TRAF3IP1: variants seen among roughly 807,000 people sequenced by gnomAD.
TRAF3IP1 encodes intraflagellar transport 54, also known as TRAF3-interacting protein 1.
A neutral mutation model predicts 89.9 loss-of-function variants in TRAF3IP1; 53 were observed. The observed-to-expected ratio is 0.59, with a 90% CI of 0.47 to 0.74. The LOEUF is 0.74. Ranked by LOEUF, TRAF3IP1 falls within the 30% of genes least tolerant of loss-of-function variation. The pLI, the probability that TRAF3IP1 is intolerant of heterozygous loss-of-function variation, is 0.00. For synonymous variants in TRAF3IP1, 311 were observed against 322.1 expected (o/e 0.97, Z 0.37); for missense variants, 806 against 866.1 (o/e 0.93, Z 0.87).
intron 15 of TRAF3IP1, among the ~76,000 whole-genome samples, chr2:238,363,876 C>G (rs7602392): frequency 0.27 from 41,587 of 151,988 alleles, 5,803 homozygotes; most frequent in African/African-American, 0.29. Flanking sequence ...AAGATAATTG[C>G]TTGAACCCAG....
At chr2:238,380,492 A>G (rs189384760) in intron 15 of TRAF3IP1, among the ~76,000 whole-genome samples, 22 of 152,322 alleles carry the variant, frequency 1.4e-4, no homozygotes, top group African/African-American at 5.3e-4. Flanking sequence ...ATCTTGCAGT[A>G]TCCCCCTAAC....
rs1480109331 is a variant in TRAF3IP1 at position 238,328,816 on chromosome 2, AC to A, written c.486del (p.His162GlnfsTer12). The A allele has an allele frequency of 6.2e-7, 1 of 1,612,798 alleles. No homozygotes were observed. The highest frequency in any genetic ancestry group is 1.7e-5 in the Admixed American group (1 of 59,756). On this transcript the variant is annotated frameshift_variant, in exon 4 of 17. Transcript: ENST00000373327. LOFTEE classifies it high-confidence loss of function. ...GTGCGAGAAGAAGAGTCCAGAGTTC[AC>A]AAAAATACAGAGGTGAATTCCAAGT... ...KNVREEESRV[H>X]KNTEDRGDAE...
rs1445760046 is a variant in TRAF3IP1 at position 238,388,330 on chromosome 2, G to A, written c.1690-9129G>A. Reference sequence around the variant, plus strand: ...GCGGAAGTTGCAGTGAGCTGAGATCGCGCCACTGCACTCCAGCCTGAGGGA... The same window carrying A: ...GCGGAAGTTGCAGTGAGCTGAGATCACGCCACTGCACTCCAGCCTGAGGGA... On this transcript the variant is annotated intron_variant, in intron 15 of 16. Coordinates refer to ENST00000373327, the MANE Select transcript of TRAF3IP1 (RefSeq NM_015650.4). 4.7e-5 allele frequency among the ~76,000 whole-genome samples: 7 copies of A among 147,674 alleles called. No individual in the cohort carries two copies. The South Asian group carries it at 6.5e-4, about 14-fold the overall frequency.
At chr2:238,386,671 G>T (rs1016938520) in intron 15 of TRAF3IP1, among the ~76,000 whole-genome samples, 1 of 152,058 alleles carries the variant, frequency 6.6e-6, no homozygotes, top group Admixed American at 6.6e-5. Flanking sequence ...CCTATCTCTG[G>T]TTTAGTTGGG....
chr2:238,387,736 CTA>C (rs1700832307), intron 15 of TRAF3IP1, among the ~76,000 whole-genome samples: 1 of 152,164 alleles, frequency 6.6e-6, no homozygotes, highest in Admixed American at 6.5e-5. Flanking sequence ...TAATAAAACA[CTA>C]TTCAGAAACG....
chr2:238,368,878 G>C (rs1353185310), intron 15 of TRAF3IP1, among the ~76,000 whole-genome samples: 1 of 151,968 alleles, frequency 6.6e-6, no homozygotes. Context: ...TCACCATGTT[G>C]GCCAGGTTGG....
intron 6 of TRAF3IP1, among the ~76,000 whole-genome samples, chr2:238,333,424 A>C (rs1698224910): frequency 1.3e-5 from 2 of 152,096 alleles, no homozygotes; most frequent in Admixed American, 1.3e-4. Context: ...TTCGTAATCC[A>C]ATTTGCATTT....
Position 238,320,687 on chromosome 2 carries a change from A to G in TRAF3IP1, c.25A>G (p.Thr9Ala), listed in dbSNP as rs763786645. 4 of 1,417,058 alleles carry G rather than the reference A, an allele frequency of 2.8e-6. No individual in the cohort carries two copies. The South Asian group carries it at 4.1e-5, about 15-fold the overall frequency. 87.8% of individuals were successfully genotyped at this position (1,417,058 alleles called of 1,614,324 possible). ...CATGAACGCGGCGGTGGTGAGGCGG[A>G]CGCAGGAGGCGCTGGGGAAAGTGAT... Reference protein sequence around the residue: MNAAVVRRTQEALGKVIRR... With the variant: MNAAVVRRAQEALGKVIRR... The change falls in exon 1 of 17, where the codon ACG (threonine) becomes GCG (alanine). Residue 9 changes from threonine to alanine, a missense_variant. Coordinates refer to ENST00000373327, the MANE Select transcript of TRAF3IP1 (RefSeq NM_015650.4).
At chr2:238,335,736 A>G (rs1698353227) in intron 7 of TRAF3IP1, among the ~76,000 whole-genome samples, 1 of 151,658 alleles carries the variant, frequency 6.6e-6, no homozygotes, top group African/African-American at 2.4e-5. Flanking sequence ...TGTTGGTCAC[A>G]GTGGTTGCTC....
At position 238,322,392 on chromosome 2, in the gene TRAF3IP1, A is replaced by G. The variant is rs6708150; in HGVS notation, c.123+1607A>G. ...TTGGTCAGAGGAATCCTAATGGGAG[A>G]GGAGGAGGAACATGGGCTGGGTGCT... On this transcript the variant is annotated intron_variant, in intron 1 of 16. Coordinates refer to ENST00000373327, the MANE Select transcript of TRAF3IP1 (RefSeq NM_015650.4). 4.0e-3 allele frequency among the ~76,000 whole-genome samples: 616 copies of G among 152,278 alleles called. 1 individual carries two copies. Among genetic ancestry groups the G allele is most frequent in the African/African-American group, 0.014 (582 of 41,562 alleles).
chr2:238,350,921 C>T (rs910341125), intron 12 of TRAF3IP1, among the ~76,000 whole-genome samples: 1 of 151,948 alleles, frequency 6.6e-6, no homozygotes, highest in Non-Finnish European at 1.5e-5. Context: ...GTGGAAGCGC[C>T]ACGGTCATGA....
At position 238,329,016 on chromosome 2, in the gene TRAF3IP1, AAG is replaced by A. The variant is rs1422354082; in HGVS notation, c.590_591del (p.Lys197ArgfsTer57). 1 of 1,551,524 alleles carries A rather than the reference AAG, an allele frequency of 6.4e-7. No homozygotes were observed. Among genetic ancestry groups the A allele is most frequent in the African/African-American group, 1.4e-5 (1 of 72,942 alleles). On this transcript the variant is annotated frameshift_variant, in exon 5 of 17. Coordinates refer to ENST00000373327, the MANE Select transcript of TRAF3IP1 (RefSeq NM_015650.4). LOFTEE classifies it high-confidence loss of function. ...ELKEDRKPRE[K>X]DKDKEKAKEN... is the part of the protein sequence containing the mutation. ...GAAAGAAGACCGCAAGCCAAGAGAA[AAG>A]GACAAGGACAAGGAGAAGGCCAAGG...
intron 2 of TRAF3IP1, 137 bp downstream of exon 2, chr2:238,325,511 A>G (rs1329240221): frequency 1.1e-5 from 9 of 831,172 alleles, no homozygotes; most frequent in Non-Finnish European, 1.5e-5. Flanking sequence ...GTAAATTGAT[A>G]TATATACCCT....
At chr2:238,395,928 G>A (rs953919357) in intron 15 of TRAF3IP1, among the ~76,000 whole-genome samples, 83 of 152,170 alleles carry the variant, frequency 5.5e-4, no homozygotes, top group Admixed American at 4.3e-3. Context: ...TACACTGTTG[G>A]TGGGACTGTA....
intron 7 of TRAF3IP1, among the ~76,000 whole-genome samples, chr2:238,338,023 A>G (rs1698466607): frequency 6.6e-6 from 1 of 152,176 alleles, no homozygotes; most frequent in South Asian, 2.1e-4. Context: ...TAGGTAGGAA[A>G]GGACGTGGTG....
At chr2:238,367,563 T>C (rs1320395451) in intron 15 of TRAF3IP1, among the ~76,000 whole-genome samples, 1 of 152,230 alleles carries the variant, frequency 6.6e-6, no homozygotes, top group East Asian at 1.9e-4. Flanking sequence ...GTGGTGGCTG[T>C]GACAGCTCTT....
At position 238,325,286 on chromosome 2, in the gene TRAF3IP1, C is replaced by G. The variant is rs1261174466; in HGVS notation, c.124-20C>G. 2 of 1,613,574 alleles carry G rather than the reference C, an allele frequency of 1.2e-6. No homozygotes were observed. The highest frequency in any genetic ancestry group is 2.7e-5 in the African/African-American group (2 of 74,912). ...GGCTGTCTGTGAGGTGACATGGTGG[C>G]CTTTCTTTCTCTCTTGAAGGTGATT... is the stretch of plus-strand genomic sequence containing the variant. On this transcript the variant is annotated intron_variant, in intron 1 of 16. Transcript: ENST00000373327.
chr2:238,386,057 G>A (rs1033222919), intron 15 of TRAF3IP1, among the ~76,000 whole-genome samples: 9 of 152,118 alleles, frequency 5.9e-5, no homozygotes, highest in African/African-American at 1.4e-4. Flanking sequence ...GATGGTCTTC[G>A]GTATGTCTGA....
chr2:238,384,217 G>T (rs1574968794), intron 15 of TRAF3IP1, among the ~76,000 whole-genome samples: 1 of 152,214 alleles, frequency 6.6e-6, no homozygotes, highest in East Asian at 1.9e-4. Context: ...TTGTCTCGGG[G>T]CTCTCACTTG....
Sources: gnomAD v4.1 joint callset for allele counts (sites outside exome capture counted in the v4.1 genomes callset) on GRCh38, gnomAD v4.1.1 for gene constraint, MANE v1.5 for transcripts, NCBI Gene and HGNC (gene_info 2026-07-23, HGNC 2026-07-21) for gene names.